The following CNTNAP5 variants were observed in gnomAD, a reference collection of about 807,000 sequenced individuals.
The protein encoded by CNTNAP5 is contactin-associated protein-like 5.
A neutral mutation model predicts 150.2 loss-of-function variants in CNTNAP5; 72 were observed. That is an observed-to-expected ratio of 0.48 (90% confidence interval 0.40 to 0.58). The LOEUF is 0.58. Ranked by LOEUF, CNTNAP5 falls within the 20% of genes least tolerant of loss-of-function variation. The pLI, the probability that CNTNAP5 is intolerant of heterozygous loss-of-function variation, is 0.00. For synonymous variants in CNTNAP5, 672 were observed against 619.8 expected (o/e 1.08, Z -1.25); for missense variants, 1,636 against 1,626.2 (o/e 1.01, Z -0.10).
At position 124,035,800 on chromosome 2, in the gene CNTNAP5, G is replaced by T. The variant is rs140616098; in HGVS notation, c.82+10068G>T. On this transcript the variant is annotated intron_variant, in intron 1 of 23. Coordinates refer to ENST00000682447, the MANE Select transcript of CNTNAP5 (RefSeq NM_001367498.1). ...CAGGGGCAAAGGCTTCAGTTTTTTG[G>T]CTCTTTCTCCACATTTATGTTTTCC... is the stretch of plus-strand genomic sequence containing the variant. Among the ~76,000 whole-genome samples, 687 of 151,860 alleles carry T rather than the reference G, an allele frequency of 4.5e-3. 4 individuals carry two copies. Among genetic ancestry groups the T allele is most frequent in the Non-Finnish European group, 7.9e-3 (539 of 68,002 alleles).
intron 10 of CNTNAP5, among the ~76,000 whole-genome samples, chr2:124,543,179 A>T (rs1384862541): frequency 1.3e-5 from 2 of 152,198 alleles, no homozygotes; most frequent in Non-Finnish European, 2.9e-5. Flanking sequence ...TAGCAAGAGT[A>T]TTTTTGTTTA....
chr2:124,728,300 A>T (rs1010073202), intron 13 of CNTNAP5, among the ~76,000 whole-genome samples: 14 of 152,076 alleles, frequency 9.2e-5, no homozygotes, highest in African/African-American at 3.4e-4. Context: ...GCCTTTTAAA[A>T]TGAGTTAAGA....
chr2:124,310,870 C>T (rs1481018785), intron 3 of CNTNAP5, among the ~76,000 whole-genome samples: 1 of 152,146 alleles, frequency 6.6e-6, no homozygotes, highest in Non-Finnish European at 1.5e-5. Context: ...TAGGTTTAAG[C>T]CCAGCGCTCA....
chr2:124,499,520 A>G (rs1366220680), intron 7 of CNTNAP5, among the ~76,000 whole-genome samples: 1 of 152,198 alleles, frequency 6.6e-6, no homozygotes, highest in Admixed American at 6.5e-5. Flanking sequence ...ACGTATGTCT[A>G]GAGGACAGCT....
chr2:124,866,858 A>G (rs1468710436), intron 20 of CNTNAP5, among the ~76,000 whole-genome samples: 1 of 152,064 alleles, frequency 6.6e-6, no homozygotes, highest in Non-Finnish European at 1.5e-5. Context: ...CTCTTTACTT[A>G]TACTGCTAAC....
chr2:124,270,863 C>T (rs1359148512), intron 3 of CNTNAP5, among the ~76,000 whole-genome samples: 2 of 152,134 alleles, frequency 1.3e-5, no homozygotes, highest in Non-Finnish European at 2.9e-5. Context: ...CACCTCAATC[C>T]TCCCACTGTT....
chr2:124,390,253 T>C (rs969720140), intron 3 of CNTNAP5, among the ~76,000 whole-genome samples: 1 of 152,222 alleles, frequency 6.6e-6, no homozygotes, highest in Non-Finnish European at 1.5e-5. Flanking sequence ...CTTTGTGATT[T>C]TGATTTCTCA....
intron 13 of CNTNAP5, among the ~76,000 whole-genome samples, chr2:124,718,955 A>AC (rs1467493368): frequency 6.6e-6 from 1 of 151,766 alleles, no homozygotes; most frequent in Admixed American, 6.6e-5. Context: ...AAAAAAAAAA[A>AC]AAGAACGGGA....
chr2:124,477,776 A>G (rs1693676218), intron 7 of CNTNAP5, among the ~76,000 whole-genome samples: 1 of 151,308 alleles, frequency 6.6e-6, no homozygotes, highest in African/African-American at 2.4e-5. Context: ...AGTTTCCTTG[A>G]GTCCAATCTG....
chr2:124,349,004 A>T (rs1259218435), intron 3 of CNTNAP5, among the ~76,000 whole-genome samples: 1 of 152,124 alleles, frequency 6.6e-6, no homozygotes, highest in Non-Finnish European at 1.5e-5. Flanking sequence ...GTTCTTGCCA[A>T]TTTTTGGCAT....
At chr2:124,892,676 G>A (rs766414916) in intron 21 of CNTNAP5, among the ~76,000 whole-genome samples, 5 of 152,120 alleles carry the variant, frequency 3.3e-5, no homozygotes, top group Non-Finnish European at 7.4e-5. Flanking sequence ...ATGCTTGCTT[G>A]AAGAGCTAAG....
At chr2:124,445,081 CTTTTTTTTTTTT>C (rs1006938474) in intron 5 of CNTNAP5, among the ~76,000 whole-genome samples, 7 of 131,826 alleles carry the variant, frequency 5.3e-5, no homozygotes, top group Non-Finnish European at 9.9e-5. Context: ...ACACAAATAT[CTTTTTTTTTTTT>C]TTTTTTTTTA....
At chr2:124,632,564 G>A (rs1677886542) in intron 12 of CNTNAP5, among the ~76,000 whole-genome samples, 1 of 151,974 alleles carries the variant, frequency 6.6e-6, no homozygotes, top group Admixed American at 6.6e-5. Flanking sequence ...GGGAGGTGGG[G>A]GAGGGGAGTG....
rs776949563 is a variant in CNTNAP5, at chr2:124,242,208, G to A, written c.196G>A (p.Gly66Ser). The change falls in exon 3 of 24, where the codon GGT (glycine) becomes AGT (serine). Residue 66 changes from glycine to serine, a missense_variant. By Grantham distance (56) the Gly-to-Ser change is moderately conservative. Transcript: ENST00000682447. ...AQLNWRVGTG[G>S]WSPADSNAQQ... ...CTCTGATCCTGTTCCAGGAACTGGC[G>A]GTTGGTCCCCAGCAGATTCCAATGC... 4 of 1,587,846 alleles carry A rather than the reference G, an allele frequency of 2.5e-6. No homozygotes were observed. The highest frequency in any genetic ancestry group is 1.1e-5 in the South Asian group (1 of 87,502).
chr2:124,510,327 A>ATATATCTATC (rs1694543823), intron 8 of CNTNAP5, among the ~76,000 whole-genome samples: 3 of 114,938 alleles, frequency 2.6e-5, no homozygotes, highest in Non-Finnish European at 3.4e-5. Flanking sequence ...ATATCTATCT[A>ATATATCTATC]TATATATATC....
intron 2 of CNTNAP5, among the ~76,000 whole-genome samples, chr2:124,229,726 G>A (rs556364957): frequency 3.9e-5 from 6 of 152,224 alleles, no homozygotes; most frequent in African/African-American, 1.4e-4. Context: ...CTTACTGTCC[G>A]CAGGAAGTGC....
At chr2:124,639,121 T>G (rs560454064) in intron 12 of CNTNAP5, among the ~76,000 whole-genome samples, 35 of 152,304 alleles carry the variant, frequency 2.3e-4, no homozygotes, top group African/African-American at 7.5e-4. Flanking sequence ...GAATACCTAC[T>G]TTAGGCCATA....
chr2:124,593,366 A>T (rs1338790573), intron 11 of CNTNAP5, among the ~76,000 whole-genome samples: 1 of 110,212 alleles, frequency 9.1e-6, no homozygotes, highest in Non-Finnish European at 1.8e-5. Context: ...ATTCCCACCT[A>T]TGAGTGAGAA....
chr2:124,623,680 A>G (rs1317285283), intron 12 of CNTNAP5, among the ~76,000 whole-genome samples: 1 of 152,170 alleles, frequency 6.6e-6, no homozygotes, highest in Admixed American at 6.5e-5. Flanking sequence ...CCTTCTCCTT[A>G]TCTTCTTTTG....
Sources: allele counts gnomAD v4.1 joint callset (sites outside exome capture counted in the v4.1 genomes callset), GRCh38; gene constraint gnomAD v4.1.1; transcripts MANE v1.5; gene names NCBI Gene and HGNC (gene_info 2026-07-23, HGNC 2026-07-21).